The following PLAG1 variants were observed in gnomAD, a reference collection of about 807,000 sequenced individuals.
PLAG1 encodes PLAG1 zinc finger, also known as zinc finger protein PLAG1.
In PLAG1, 7 loss-of-function variants were observed where a neutral mutation model predicts 35.5. The observed-to-expected ratio is 0.20, with a 90% confidence interval of 0.11 to 0.37. The LOEUF (loss-of-function observed/expected upper bound fraction) is 0.37. PLAG1 is among the 10% of genes least tolerant of loss of function. The pLI is 1.00. For missense variants in PLAG1, 454 were observed against 602.8 expected, an observed-to-expected ratio of 0.75 and a Z score of 2.58; for synonymous variants, 229 against 225.4, an observed-to-expected ratio of 1.02 and a Z score of -0.14.
In PLAG1 at chr8:56,166,175, A is replaced by C; in HGVS notation, c.*68T>G. ...TTTATACTGTTTTAAAGTAGGCACTAAAATAAAAATGGTCATCTAGGGCAC... is the reference window on the plus strand; with the variant it reads ...TTTATACTGTTTTAAAGTAGGCACTCAAATAAAAATGGTCATCTAGGGCAC... On this transcript the variant is annotated 3_prime_UTR_variant, in exon 5 of 5. Coordinates refer to ENST00000316981, the MANE Select transcript of PLAG1 (RefSeq NM_002655.3). 1 of 1,147,276 alleles carries C rather than the reference A, an allele frequency of 8.7e-7. No homozygotes were observed. 71.1% of individuals were successfully genotyped at this position (1,147,276 alleles called of 1,614,324 possible).
intron 1 of PLAG1, among the ~76,000 whole-genome samples, chr8:56,182,168 C>T (rs530518921): frequency 5.3e-5 from 8 of 152,020 alleles, no homozygotes; most frequent in Admixed American, 1.3e-4. Context: ...GGAGGTAGGA[C>T]GGGAGAGGGA....
intron 1 of PLAG1, among the ~76,000 whole-genome samples, chr8:56,208,071 AT>A (rs982994051): frequency 6.8e-6 from 1 of 147,160 alleles, no homozygotes. Context: ...GAATTCCTTC[AT>A]TTTTTTATAG....
At chr8:56,200,941 G>A (rs1259544379) in intron 1 of PLAG1, among the ~76,000 whole-genome samples, 3 of 151,862 alleles carry the variant, frequency 2.0e-5, no homozygotes, top group Non-Finnish European at 4.4e-5. Flanking sequence ...TTTCTTTTTC[G>A]CCCAATTCAA....
intron 1 of PLAG1, among the ~76,000 whole-genome samples, chr8:56,180,291 A>G (rs1811826983): frequency 6.6e-6 from 1 of 152,080 alleles, no homozygotes; most frequent in South Asian, 2.1e-4. Flanking sequence ...CATGGTTACC[A>G]CTCTCCTAAG....
In PLAG1 at chr8:56,161,547, G is replaced by C. The variant is rs1353265266; in HGVS notation, c.*4696C>G. On this transcript the variant is annotated 3_prime_UTR_variant, in exon 5 of 5. Coordinates refer to ENST00000316981, the MANE Select transcript of PLAG1 (RefSeq NM_002655.3). The stretch of plus-strand genomic sequence containing the variant: ...TTATAAAGCCCACTTTCCATTCTGA[G>C]TTACAGTCACCTTGTGGACAAAAGC... 1.8e-5 allele frequency: 4 copies of C among 228,446 alleles called. No homozygotes were observed. The highest frequency in any genetic ancestry group is 8.9e-5 in the African/African-American group (4 of 45,014). The allele number at this position is 228,446 out of a possible 1,614,324, so 14.2% of individuals were successfully genotyped here.
intron 3 of PLAG1, among the ~76,000 whole-genome samples, chr8:56,169,683 AGG>A (rs1811462402): frequency 6.6e-6 from 1 of 152,150 alleles, no homozygotes; most frequent in East Asian, 1.9e-4. Flanking sequence ...CTGGGACTGC[AGG>A]TACATGCCAT....
At chr8:56,186,673 GGTTAGC>G (rs1377683713) in intron 1 of PLAG1, among the ~76,000 whole-genome samples, 1 of 145,090 alleles carries the variant, frequency 6.9e-6, no homozygotes, top group African/African-American at 2.6e-5. Flanking sequence ...ATGTCCAGCT[GGTTAGC>G]ATTAAAAAAA....
At chr8:56,184,342 G>A (rs1001531812) in intron 1 of PLAG1, among the ~76,000 whole-genome samples, 1 of 152,178 alleles carries the variant, frequency 6.6e-6, no homozygotes, top group African/African-American at 2.4e-5. Context: ...AAGAGCTGCT[G>A]AGAATGTGAA....
chr8:56,193,244 G>C (rs957410862), intron 1 of PLAG1, among the ~76,000 whole-genome samples: 4 of 152,228 alleles, frequency 2.6e-5, no homozygotes, highest in Non-Finnish European at 4.4e-5. Flanking sequence ...TATGGGTAGG[G>C]GACGAAGGAA....
intron 1 of PLAG1, among the ~76,000 whole-genome samples, chr8:56,185,237 G>C (rs1390674042): frequency 6.6e-6 from 1 of 152,152 alleles, no homozygotes; most frequent in African/African-American, 2.4e-5. Context: ...CATCACAAAA[G>C]GCCATGAGCA....
At chr8:56,207,155 C>T (rs960308367) in intron 1 of PLAG1, among the ~76,000 whole-genome samples, 4 of 151,826 alleles carry the variant, frequency 2.6e-5, no homozygotes, top group African/African-American at 9.6e-5. Flanking sequence ...AATATTAAAA[C>T]ATTCTTAGAT....
chr8:56,178,911 C>T (rs967477205), intron 2 of PLAG1, among the ~76,000 whole-genome samples: 6 of 148,960 alleles, frequency 4.0e-5, no homozygotes, highest in Non-Finnish European at 5.9e-5. Context: ...ACAATGCTGG[C>T]AAATTGCTAT....
chr8:56,183,566 C>T (rs1410731136), intron 1 of PLAG1, among the ~76,000 whole-genome samples: 1 of 152,142 alleles, frequency 6.6e-6, no homozygotes, highest in Non-Finnish European at 1.5e-5. Flanking sequence ...AAAACTAGCT[C>T]TCCTTCTCCC....
At chr8:56,193,031 G>A (rs751363742) in intron 1 of PLAG1, among the ~76,000 whole-genome samples, 41 of 152,312 alleles carry the variant, frequency 2.7e-4, no homozygotes, top group Middle Eastern at 3.4e-3. Context: ...ACTGGATTTG[G>A]ATCATGGAAA....
intron 1 of PLAG1, among the ~76,000 whole-genome samples, chr8:56,190,633 G>A (rs1480605510): frequency 2.0e-5 from 3 of 152,150 alleles, no homozygotes; most frequent in Non-Finnish European, 2.9e-5. Context: ...AGAGGACAGT[G>A]AGCTGTCACT....
At position 56,167,499 on chromosome 8, in the gene PLAG1, T is replaced by C. The variant is rs1272939514; in HGVS notation, c.247A>G (p.Met83Val). The C allele has an allele frequency of 1.2e-6, 2 of 1,601,004 alleles. No individual in the cohort carries two copies. Among genetic ancestry groups the C allele is most frequent in the Non-Finnish European group, 8.5e-7 (1 of 1,170,944 alleles). ...FVSKYKLQRH[M>V]ATHSPEKTHK... The stretch of plus-strand genomic sequence containing the variant: ...GTTTTCTCAGGAGAATGAGTAGCCA[T>C]GTGCCTTTAAACACAGATATAATCT... The change falls in exon 5 of 5, where the codon ATG becomes GTG. Residue 83 changes from methionine to valine, a missense_variant. Around this residue, in one of 4 missense-constraint regions of PLAG1, gnomAD observed 170 missense variants for 226.3 expected, o/e 0.75. Coordinates refer to ENST00000316981, the MANE Select transcript of PLAG1 (RefSeq NM_002655.3). The surrounding 1 kb of genome is among the most constrained non-coding windows in gnomAD (Gnocchi z 5.9).
At position 56,168,270 on chromosome 8, in the gene PLAG1, C is replaced by T. The variant is rs749907968; in HGVS notation, c.-1G>A. ...AATCACCAGGAATGACAGTGGCCAT[C>T]GCAGCCTAAACCAGGCCTTCTTGTT... On this transcript the variant is annotated 5_prime_UTR_variant, in exon 4 of 5. Transcript: ENST00000316981. 3.7e-6 allele frequency: 6 copies of T among 1,609,074 alleles called. No individual in the cohort carries two copies. The highest frequency in any genetic ancestry group is 4.5e-5 in the East Asian group (2 of 44,832).
rs1435978563 is a variant in PLAG1, at chr8:56,167,020, C to T, written c.726G>A (p.Lys242=). 2 of 1,614,138 alleles carry T rather than the reference C, an allele frequency of 1.2e-6. No individual in the cohort carries two copies. The highest frequency in any genetic ancestry group is 1.1e-5 in the South Asian group (1 of 91,086). The part of the protein sequence containing the change: ...MKKSHNQELL[K]VKTEPVDFLD... ...GGAAATCCACTGGTTCTGTTTTGAC[C>T]TTCAGAAGCTCTTGATTGTGACTCT... Residue 242 remains lysine, a synonymous_variant, in exon 5 of 5, where the codon AAG becomes AAA. Coordinates refer to ENST00000316981, the MANE Select transcript of PLAG1 (RefSeq NM_002655.3). The surrounding 1 kb of genome is among the most constrained non-coding windows in gnomAD (Gnocchi z 5.9).
At chr8:56,199,032 G>C (rs370813160) in intron 1 of PLAG1, among the ~76,000 whole-genome samples, 5 of 152,216 alleles carry the variant, frequency 3.3e-5, no homozygotes, top group African/African-American at 1.2e-4. Context: ...CCTAGAGAGA[G>C]GTAGAGACTA....
Sources: gnomAD v4.1 joint callset for allele counts (sites outside exome capture counted in the v4.1 genomes callset) on GRCh38, gnomAD v4.1.1 for gene constraint, gnomAD v4.1.1 regional missense constraint, Gnocchi (gnomAD v3.1) non-coding constraint, MANE v1.5 for transcripts, NCBI Gene and HGNC (gene_info 2026-07-23, HGNC 2026-07-21) for gene names.